Variants in STARD13 observed in about 807,000 individuals in gnomAD.
STARD13 encodes the protein stAR-related lipid transfer protein 13.
Under a neutral mutation model 106.4 loss-of-function variants are expected in STARD13, and 62 were observed. That is an observed-to-expected ratio of 0.58 (90% CI 0.48 to 0.72). STARD13 has a LOEUF of 0.72. STARD13 is among the 30% of genes least tolerant of loss of function. STARD13 has a pLI of 0.00. For missense variants in STARD13, 1,387 were observed against 1,424.0 expected, an observed-to-expected ratio of 0.97 and a Z score of 0.42; for synonymous variants, 565 against 553.0, an observed-to-expected ratio of 1.02 and a Z score of -0.31.
chr13:33,264,637 G>A (rs1172997156), intron 1 of STARD13, among the ~76,000 whole-genome samples: 3 of 152,110 alleles, frequency 2.0e-5, no homozygotes, highest in African/African-American at 4.8e-5. Flanking sequence ...ATATAAATAC[G>A]GGACAAGAAC....
At chr13:33,143,569 T>C (rs1430079822) in intron 3 of STARD13, among the ~76,000 whole-genome samples, 2 of 152,208 alleles carry the variant, frequency 1.3e-5, no homozygotes, top group Admixed American at 1.3e-4. Context: ...TGTTTGTTTT[T>C]TGAGACGGAG....
At chr13:33,657,259 C>T in the STARD13 span, among the ~76,000 whole-genome samples, 1 of 148,794 alleles carries the variant, frequency 6.7e-6, no homozygotes, top group Non-Finnish European at 1.5e-5. Context: ...GACAGTGAGA[C>T]TCCGTCTCAA....
chr13:33,317,782 G>A (rs543100439), intron 1 of STARD13, among the ~76,000 whole-genome samples: 11 of 152,222 alleles, frequency 7.2e-5, no homozygotes, highest in East Asian at 5.8e-4. Flanking sequence ...ATGAGAGCAC[G>A]GACTTTGTCT....
chr13:33,563,175 A>G, the STARD13 span, among the ~76,000 whole-genome samples: 10 of 146,884 alleles, frequency 6.8e-5, 1 homozygote, highest in African/African-American at 2.5e-4. Flanking sequence ...CACAGATCCA[A>G]TTCAATCCCT....
At chr13:33,309,532 C>T (rs1893053041) in intron 1 of STARD13, among the ~76,000 whole-genome samples, 1 of 152,104 alleles carries the variant, frequency 6.6e-6, no homozygotes, top group South Asian at 2.1e-4. Flanking sequence ...ACAGAGTTCG[C>T]TATTGAGGCA....
the STARD13 span, among the ~76,000 whole-genome samples, chr13:33,477,076 A>G: frequency 6.6e-6 from 1 of 152,260 alleles, no homozygotes; most frequent in Non-Finnish European, 1.5e-5. Flanking sequence ...AAGGATGGGC[A>G]CACAATGCCC....
the STARD13 span, among the ~76,000 whole-genome samples, chr13:33,575,856 G>A: frequency 0.022 from 3,353 of 152,066 alleles, 115 homozygotes; most frequent in African/African-American, 0.077. Flanking sequence ...TTTTGCTATA[G>A]CAACCCAAAA....
chr13:33,473,908 T>C, the STARD13 span, among the ~76,000 whole-genome samples: 2 of 152,194 alleles, frequency 1.3e-5, no homozygotes, highest in Admixed American at 1.3e-4. Flanking sequence ...TGTTTGCAGG[T>C]TAAACAAGCT....
chr13:33,253,907 A>C (rs1431513354), intron 1 of STARD13, among the ~76,000 whole-genome samples: 2 of 152,384 alleles, frequency 1.3e-5, no homozygotes, highest in East Asian at 3.9e-4. Context: ...AAGGTTTTTC[A>C]ACAGGCCTGC....
chr13:33,614,356 T>C, the STARD13 span, among the ~76,000 whole-genome samples: 1 of 151,164 alleles, frequency 6.6e-6, no homozygotes, highest in African/African-American at 2.5e-5. Context: ...CAGCCAAATA[T>C]TGCTATGTAA....
chr13:33,154,526 A>G (rs1189433758), intron 3 of STARD13, among the ~76,000 whole-genome samples: 1 of 152,186 alleles, frequency 6.6e-6, no homozygotes, highest in African/African-American at 2.4e-5. Context: ...TAAATAAGCT[A>G]TGTGCTTTAA....
chr13:33,257,507 C>A (rs1270532970), intron 1 of STARD13, among the ~76,000 whole-genome samples: 1 of 152,120 alleles, frequency 6.6e-6, no homozygotes, highest in East Asian at 1.9e-4. Flanking sequence ...TGAATGACAT[C>A]ACAGCAGCTG....
intron 3 of STARD13, among the ~76,000 whole-genome samples, chr13:33,155,935 A>G (rs1881908773): frequency 6.6e-6 from 1 of 152,222 alleles, no homozygotes; most frequent in Admixed American, 6.5e-5. Context: ...TTAGGCACAG[A>G]TAAGAATGTA....
the STARD13 span, among the ~76,000 whole-genome samples, chr13:33,531,147 C>T: frequency 6.6e-6 from 1 of 152,174 alleles, no homozygotes; most frequent in Non-Finnish European, 1.5e-5. Context: ...TGCACAAGCT[C>T]TCTTCTCGTC....
the STARD13 span, among the ~76,000 whole-genome samples, chr13:33,420,235 G>C: frequency 1.3e-5 from 2 of 152,104 alleles, no homozygotes. Flanking sequence ...ACACACATAG[G>C]CTCAAAATAA....
At chr13:33,509,529 A>C in the STARD13 span, among the ~76,000 whole-genome samples, 1 of 152,142 alleles carries the variant, frequency 6.6e-6, no homozygotes, top group Middle Eastern at 3.2e-3. Flanking sequence ...AGGGGTGAGG[A>C]TCTGTGTGAT....
the STARD13 span, among the ~76,000 whole-genome samples, chr13:33,446,385 A>T: frequency 3.3e-5 from 5 of 152,148 alleles, no homozygotes; most frequent in Non-Finnish European, 7.4e-5. Flanking sequence ...AGGGATGATC[A>T]CAATTTCCTC....
At chr13:33,485,183 T>C in the STARD13 span, among the ~76,000 whole-genome samples, 32 of 152,312 alleles carry the variant, frequency 2.1e-4, no homozygotes, top group African/African-American at 7.7e-4. Context: ...CAGATTTACT[T>C]GAATGAAGTG....
the STARD13 span, among the ~76,000 whole-genome samples, chr13:33,629,502 T>C: frequency 6.6e-6 from 1 of 152,220 alleles, no homozygotes; most frequent in Non-Finnish European, 1.5e-5. Context: ...GGCCTTAACA[T>C]AAATATTCAA....
Sources: gnomAD v4.1 joint callset for allele counts (sites outside exome capture counted in the v4.1 genomes callset) on GRCh38, gnomAD v4.1.1 for gene constraint, MANE v1.5 for transcripts, NCBI Gene and HGNC (gene_info 2026-07-23, HGNC 2026-07-21) for gene names.